The following OPRM1 variants were observed in gnomAD, a reference collection of about 807,000 sequenced individuals.
OPRM1 encodes mu-type opioid receptor.
OPRM1 carries 27 observed loss-of-function variants against 31.8 expected under a neutral mutation model. That is an observed-to-expected ratio of 0.85 (90% CI 0.63 to 1.17). The LOEUF is 1.17. Ranked by LOEUF, OPRM1 falls within the 50% of genes most tolerant of loss-of-function variation. OPRM1 has a pLI of 0.00. For missense variants in OPRM1, 536 were observed against 511.1 expected (o/e 1.05, Z -0.47); for synonymous variants, 196 against 189.9 (o/e 1.03, Z -0.26).
At chr6:154,206,475 GCA>G (rs1226438100) in intron 3 of OPRM1, among the ~76,000 whole-genome samples, 1 of 152,188 alleles carries the variant, frequency 6.6e-6, no homozygotes, top group African/African-American at 2.4e-5. Flanking sequence ...TGTGTGCTAG[GCA>G]CAGTCATAAA....
chr6:154,012,815 G>A (rs1012922642), intron 1 of OPRM1, among the ~76,000 whole-genome samples: 11 of 152,044 alleles, frequency 7.2e-5, no homozygotes, highest in Non-Finnish European at 1.3e-4. Context: ...TCTGGTGAGC[G>A]CTTTCTTCCA....
chr6:154,227,627 A>G (rs1779363103), intron 3 of OPRM1, among the ~76,000 whole-genome samples: 1 of 152,100 alleles, frequency 6.6e-6, no homozygotes, highest in South Asian at 2.1e-4. Context: ...CTGAGGTGGG[A>G]GAATCACCTG....
At chr6:154,025,222 T>A (rs902064285) in intron 1 of OPRM1, among the ~76,000 whole-genome samples, 4 of 152,058 alleles carry the variant, frequency 2.6e-5, no homozygotes, top group African/African-American at 9.7e-5. Flanking sequence ...CAAATGTATT[T>A]GAAATTGTTA....
intron 3 of OPRM1, among the ~76,000 whole-genome samples, chr6:154,245,140 A>G (rs1206833168): frequency 6.6e-6 from 1 of 152,204 alleles, no homozygotes; most frequent in Non-Finnish European, 1.5e-5. Flanking sequence ...GTAAAACCAT[A>G]CATGCTAGAC....
chr6:154,173,904 G>A (rs897337978), intron 3 of OPRM1, among the ~76,000 whole-genome samples: 1 of 152,190 alleles, frequency 6.6e-6, no homozygotes, highest in African/African-American at 2.4e-5. Flanking sequence ...AGGAAAAAAT[G>A]TTAAGGGCAG....
chr6:154,033,880 G>A (rs751619268), intron 1 of OPRM1, among the ~76,000 whole-genome samples: 35 of 152,070 alleles, frequency 2.3e-4, no homozygotes, highest in Non-Finnish European at 4.0e-4. Flanking sequence ...TCACTGTATT[G>A]TATTTTTGCA....
chr6:154,207,290 A>C (rs1426583296), intron 3 of OPRM1, among the ~76,000 whole-genome samples: 1 of 152,226 alleles, frequency 6.6e-6, no homozygotes, highest in African/African-American at 2.4e-5. Flanking sequence ...AAGTCTTAAA[A>C]TCAGTTAGAT....
intron 3 of OPRM1, among the ~76,000 whole-genome samples, chr6:154,246,367 C>G (rs1415209830): frequency 6.6e-6 from 1 of 152,212 alleles, no homozygotes; most frequent in African/African-American, 2.4e-5. Context: ...CACTCCCTTC[C>G]TCCCCAGCCA....
intron 1 of OPRM1, among the ~76,000 whole-genome samples, chr6:154,052,313 T>C (rs144440130): frequency 2.0e-4 from 30 of 152,336 alleles, no homozygotes; most frequent in African/African-American, 7.2e-4. Flanking sequence ...CTGCATGTTC[T>C]GCATATGTAT....
chr6:154,085,420 A>C (rs1347969233), intron 1 of OPRM1, among the ~76,000 whole-genome samples: 3 of 152,200 alleles, frequency 2.0e-5, no homozygotes, highest in Admixed American at 2.0e-4. Context: ...AATTCATTTG[A>C]ATTCATAAAA....
chr6:154,030,567 A>AAT (rs921804032), intron 1 of OPRM1, among the ~76,000 whole-genome samples: 8 of 152,338 alleles, frequency 5.3e-5, no homozygotes, highest in African/African-American at 1.9e-4. Context: ...ATATTCACCA[A>AAT]ATACATGCAG....
intron 3 of OPRM1, among the ~76,000 whole-genome samples, chr6:154,149,380 C>T (rs745937726): frequency 1.4e-4 from 22 of 152,134 alleles, no homozygotes; most frequent in Non-Finnish European, 2.9e-4. Flanking sequence ...ATTACCTCCC[C>T]TCCATCCCTC....
intron 3 of OPRM1, among the ~76,000 whole-genome samples, chr6:154,175,608 C>T (rs564731780): frequency 2.6e-4 from 40 of 152,112 alleles, no homozygotes; most frequent in African/African-American, 9.4e-4. Context: ...TACACCCTCC[C>T]AAAACTAAAC....
At chr6:154,170,237 C>T (rs1388655605) in intron 3 of OPRM1, among the ~76,000 whole-genome samples, 1 of 152,184 alleles carries the variant, frequency 6.6e-6, no homozygotes, top group Non-Finnish European at 1.5e-5. Flanking sequence ...TTTTCCACCA[C>T]ATACTCCTTA....
At chr6:154,221,197 C>A (rs1386376168) in intron 3 of OPRM1, 2 of 1,194,638 alleles carry the variant, frequency 1.7e-6, no homozygotes, top group East Asian at 4.7e-5. Flanking sequence ...AATTCCAGTA[C>A]CAGGCTAAAG....
intron 3 of OPRM1, chr6:154,214,445 A>G (rs1003406045): frequency 3.3e-5 from 21 of 630,660 alleles, no homozygotes; most frequent in Non-Finnish European, 5.5e-5. Context: ...TGGTTTCACA[A>G]TACTTTCCAT....
rs139885239 is a variant in OPRM1, at chr6:154,200,631, G to T, written c.1165-46062G>T. ...AGCTATTCAGGAGACTGAGGCAGGA[G>T]AATCACTTGAACCTGGGAGGCAGAG... On this transcript the variant is annotated intron_variant, in intron 3 of 3. Coordinates refer to the OPRM1 transcript ENST00000337049. Among the ~76,000 whole-genome samples the T allele has an allele frequency of 6.4e-4, 97 of 152,242 alleles. No individual in the cohort carries two copies. The East Asian group carries it at 0.018, about 28-fold the overall frequency.
intron 1 of OPRM1, among the ~76,000 whole-genome samples, chr6:154,054,127 T>A (rs552448530): frequency 8.6e-5 from 13 of 151,912 alleles, no homozygotes; most frequent in Non-Finnish European, 1.6e-4. Flanking sequence ...CTCAGCACTT[T>A]GGGAGGCCGA....
downstream of OPRM1, among the ~76,000 whole-genome samples, chr6:154,133,796 A>C (rs1797989439): frequency 6.6e-6 from 1 of 152,212 alleles, no homozygotes; most frequent in African/African-American, 2.4e-5. Context: ...ATTATCTAGC[A>C]GCGTAAGCCC....
Sources: allele counts gnomAD v4.1 joint callset (sites outside exome capture counted in the v4.1 genomes callset), GRCh38; gene constraint gnomAD v4.1.1; transcripts MANE v1.5; gene names NCBI Gene and HGNC (gene_info 2026-07-23, HGNC 2026-07-21).